HHAT: variants seen among roughly 807,000 people sequenced by gnomAD.
The protein encoded by HHAT is hedgehog acyltransferase, also known as protein-cysteine N-palmitoyltransferase HHAT.
HHAT carries 47 observed loss-of-function variants against 70.8 expected under a neutral mutation model. The observed-to-expected ratio is 0.66, with a 90% confidence interval of 0.53 to 0.85. The LOEUF (loss-of-function observed/expected upper bound fraction) is 0.85, where lower values mean the gene tolerates loss of function less well. HHAT is among the 40% of genes least tolerant of loss of function. The pLI, the probability that HHAT is intolerant of heterozygous loss-of-function variation, is 0.00. For missense variants in HHAT, 609 were observed against 604.8 expected (o/e 1.01, Z -0.07); for synonymous variants, 228 against 247.6 (o/e 0.92, Z 0.74).
chr1:210,445,493 TTTAG>T (rs1293549179), intron 7 of HHAT, among the ~76,000 whole-genome samples: 2 of 152,224 alleles, frequency 1.3e-5, no homozygotes, highest in Non-Finnish European at 2.9e-5. Flanking sequence ...TTTACTGTAA[TTTAG>T]TTAACCAATT....
In HHAT at chr1:210,411,291, G is replaced by A. The variant is rs558686373; in HGVS notation, c.684+6612G>A. Among the ~76,000 whole-genome samples, 7 of 152,312 alleles carry A rather than the reference G, an allele frequency of 4.6e-5. No individual in the cohort carries two copies. In the South Asian group the frequency reaches 1.4e-3, roughly 32 times the overall value. On this transcript the variant is annotated intron_variant, in intron 6 of 11. Transcript: ENST00000261458. The stretch of plus-strand genomic sequence containing the variant: ...CTTGGAGGCCCGAGGTACTGTCCTG[G>A]CCTTCAGGGAACCTGAGCTTTGGGT...
At chr1:210,526,367 G>GTTTTGTTTTGTTTTGTTTTTTTTTTTTT in intron 9 of HHAT, among the ~76,000 whole-genome samples, 4,660 of 141,364 alleles carry the variant, frequency 0.033, 149 homozygotes, top group Non-Finnish European at 0.049. Context: ...AGTGGGTTCT[G>GTTTTGTTTTGTTTTGTTTTTTTTTTTTT]TTTTTTTTTT....
In HHAT at chr1:210,464,610, TC is replaced by T; in HGVS notation, c.967del (p.Arg323AlafsTer3). 3 of 1,614,050 alleles carry T rather than the reference TC, an allele frequency of 1.9e-6. No individual in the cohort carries two copies. The highest frequency in any genetic ancestry group is 2.5e-6 in the Non-Finnish European group (3 of 1,179,936). The part of the protein sequence containing the change: ...MRLDGLTPPA[L>X]PRCVSTMFSF... ...CTGGATGGACTCACTCCACCCGCCC[TC>T]CCCCGCTGCGTGAGCACCATGTTCA... On this transcript the variant is annotated frameshift_variant, in exon 8 of 12. Coordinates refer to ENST00000261458, the MANE Select transcript of HHAT (RefSeq NM_018194.6). LOFTEE classifies it high-confidence loss of function.
chr1:210,604,907 C>T (rs889187894), intron 10 of HHAT, among the ~76,000 whole-genome samples: 2 of 152,144 alleles, frequency 1.3e-5, no homozygotes, highest in African/African-American at 4.8e-5. Context: ...GTCCCAGCTA[C>T]TCAGGAGACT....
At chr1:210,484,479 CT>C (rs1326741927) in intron 8 of HHAT, among the ~76,000 whole-genome samples, 1 of 142,574 alleles carries the variant, frequency 7.0e-6, no homozygotes, top group African/African-American at 2.7e-5. Flanking sequence ...GATTTATCCG[CT>C]GTTACCATAG....
chr1:210,519,017 C>T (rs763448505), intron 9 of HHAT, among the ~76,000 whole-genome samples: 2 of 152,140 alleles, frequency 1.3e-5, no homozygotes, highest in Non-Finnish European at 2.9e-5. Flanking sequence ...GTGTTAGAGT[C>T]TTGGGAGGTC....
intron 7 of HHAT, among the ~76,000 whole-genome samples, chr1:210,440,834 G>T (rs56252446): frequency 0.24 from 35,759 of 150,030 alleles, 4,803 homozygotes; most frequent in Admixed American, 0.36. Flanking sequence ...TTTCCTGAGT[G>T]TCTGATGCTG....
chr1:210,375,372 T>C (rs1159598668), intron 3 of HHAT, among the ~76,000 whole-genome samples: 1 of 152,222 alleles, frequency 6.6e-6, no homozygotes, highest in Non-Finnish European at 1.5e-5. Flanking sequence ...ATGACCCTTT[T>C]TGACCCTGGT....
intron 10 of HHAT, among the ~76,000 whole-genome samples, chr1:210,602,000 C>G (rs1042839982): frequency 7.0e-6 from 1 of 143,598 alleles, no homozygotes; most frequent in Non-Finnish European, 1.5e-5. Context: ...TGTGCACACA[C>G]GCATGCAAAG....
intron 9 of HHAT, among the ~76,000 whole-genome samples, chr1:210,576,991 TG>T (rs1657922972): frequency 6.6e-6 from 1 of 152,164 alleles, no homozygotes; most frequent in South Asian, 2.1e-4. Flanking sequence ...ATTTTCTTTT[TG>T]GATCATTTAT....
intron 8 of HHAT, among the ~76,000 whole-genome samples, chr1:210,470,769 A>G (rs967594434): frequency 5.3e-5 from 8 of 152,136 alleles, no homozygotes; most frequent in Non-Finnish European, 1.5e-5. Context: ...TCACCAGAAC[A>G]TAGTGTTTGA....
chr1:210,520,892 C>T (rs148478926), intron 9 of HHAT, among the ~76,000 whole-genome samples: 10 of 152,254 alleles, frequency 6.6e-5, no homozygotes, highest in African/African-American at 2.2e-4. Context: ...GTGAGTTCAT[C>T]AGAGCCACTA....
At chr1:210,547,272 G>A (rs188103843) in intron 9 of HHAT, among the ~76,000 whole-genome samples, 293 of 152,302 alleles carry the variant, frequency 1.9e-3, no homozygotes, top group African/African-American at 6.8e-3. Context: ...GTTGTGGTGA[G>A]CTGAGATCGT....
intron 7 of HHAT, among the ~76,000 whole-genome samples, chr1:210,453,185 G>T (rs1328986168): frequency 6.6e-6 from 1 of 152,152 alleles, no homozygotes; most frequent in African/African-American, 2.4e-5. Flanking sequence ...ACATATATCA[G>T]TTAGCATAAG....
intron 6 of HHAT, among the ~76,000 whole-genome samples, chr1:210,409,994 A>G (rs536952426): frequency 7.9e-5 from 12 of 152,244 alleles, no homozygotes; most frequent in African/African-American, 2.9e-4. Context: ...CGCCCTGCAC[A>G]TTAGATGAGC....
At chr1:210,559,081 C>T (rs1355797244) in intron 9 of HHAT, among the ~76,000 whole-genome samples, 2 of 152,210 alleles carry the variant, frequency 1.3e-5, no homozygotes, top group Non-Finnish European at 2.9e-5. Context: ...ACGTGCTTGG[C>T]ATTCCCATAG....
intron 7 of HHAT, among the ~76,000 whole-genome samples, chr1:210,443,504 A>G (rs1160278290): frequency 1.0e-4 from 13 of 130,464 alleles, no homozygotes; most frequent in South Asian, 2.9e-4. Flanking sequence ...ATTTGTTTGT[A>G]TCCTCTTTTA....
chr1:210,661,444 C>T (rs1245180086), intron 11 of HHAT, among the ~76,000 whole-genome samples: 1 of 152,204 alleles, frequency 6.6e-6, no homozygotes, highest in Non-Finnish European at 1.5e-5. Context: ...CACTTTTACA[C>T]TTTTGGTGGG....
intron 7 of HHAT, among the ~76,000 whole-genome samples, chr1:210,439,157 A>G (rs1244761766): frequency 6.6e-6 from 1 of 151,884 alleles, no homozygotes; most frequent in Non-Finnish European, 1.5e-5. Context: ...GCCCACAGAG[A>G]ATGGCCTTGG....
Sources: allele counts gnomAD v4.1 joint callset (sites outside exome capture counted in the v4.1 genomes callset), GRCh38; gene constraint gnomAD v4.1.1; transcripts MANE v1.5; gene names NCBI Gene and HGNC (gene_info 2026-07-23, HGNC 2026-07-21).